APBA1: variants seen among roughly 807,000 people sequenced by gnomAD.
The protein encoded by APBA1 is amyloid beta precursor protein binding family A member 1.
Under a neutral mutation model 86.6 loss-of-function variants are expected in APBA1, and 55 were observed. The ratio of observed to expected loss-of-function variants is 0.64; its 90% confidence interval spans 0.51 to 0.80. The LOEUF (loss-of-function observed/expected upper bound fraction) is 0.80. Among genes scored for constraint, APBA1 ranks in the 30% least tolerant of loss-of-function variants. The pLI is 0.00. For synonymous variants in APBA1, 511 were observed against 493.9 expected (o/e 1.03, Z -0.46); for missense variants, 1,090 against 1,183.0 (o/e 0.92, Z 1.15).
intron 1 of APBA1, among the ~76,000 whole-genome samples, chr9:69,556,446 A>C (rs981028015): frequency 3.3e-5 from 5 of 152,166 alleles, no homozygotes; most frequent in African/African-American, 1.2e-4. Flanking sequence ...GTCGGAGTTT[A>C]CACAACTGCA....
Position 69,559,553 on chromosome 9 carries a change from A to T in APBA1, c.-69-42274T>A, listed in dbSNP as rs79765672. ...TGTTGTTATCACTTTTTTCTTTCCT[A>T]TCACTGTGTATTCCATGTCATTATC... On this transcript the variant is annotated intron_variant, in intron 1 of 12. Coordinates refer to ENST00000265381, the MANE Select transcript of APBA1 (RefSeq NM_001163.4). 3.5e-3 allele frequency among the ~76,000 whole-genome samples: 535 copies of T among 152,196 alleles called. 7 individuals carry two copies. Among genetic ancestry groups the T allele is most frequent in the Admixed American group, 0.023 (346 of 15,284 alleles).
intron 1 of APBA1, among the ~76,000 whole-genome samples, chr9:69,568,823 A>C (rs1386579550): frequency 6.6e-6 from 1 of 152,232 alleles, no homozygotes; most frequent in Non-Finnish European, 1.5e-5. Flanking sequence ...ATTGCAAAGA[A>C]TAAGAGAAAT....
intron 1 of APBA1, among the ~76,000 whole-genome samples, chr9:69,534,018 A>G (rs1836470780): frequency 6.6e-6 from 1 of 152,240 alleles, no homozygotes; most frequent in African/African-American, 2.4e-5. Flanking sequence ...GATCTACTAA[A>G]CAAAAGAAAA....
At chr9:69,649,457 C>G (rs1823454907) in intron 1 of APBA1, among the ~76,000 whole-genome samples, 1 of 152,132 alleles carries the variant, frequency 6.6e-6, no homozygotes, top group Non-Finnish European at 1.5e-5. Flanking sequence ...CCTAGAGTCA[C>G]TTTCCCACTG....
intron 11 of APBA1, among the ~76,000 whole-genome samples, chr9:69,440,016 C>G (rs956128517): frequency 1.3e-5 from 2 of 152,236 alleles, no homozygotes; most frequent in African/African-American, 4.8e-5. Flanking sequence ...GGACCCTCAG[C>G]TGCAGGTCTG....
At chr9:69,579,663 T>C (rs1301411067) in intron 1 of APBA1, among the ~76,000 whole-genome samples, 1 of 152,190 alleles carries the variant, frequency 6.6e-6, no homozygotes, top group Non-Finnish European at 1.5e-5. Context: ...CCAATGTTCT[T>C]AAGCATCTCA....
At chr9:69,673,004 G>C (rs1367686198), upstream of APBA1, 1 of 152,308 alleles carries the variant, frequency 6.6e-6, no homozygotes, top group East Asian at 1.9e-4. Context: ...GATTGACGGC[G>C]TCTCCGGAAT....
intron 1 of APBA1, among the ~76,000 whole-genome samples, chr9:69,619,341 A>T (rs1822767551): frequency 1.3e-5 from 2 of 152,250 alleles, no homozygotes; most frequent in South Asian, 4.1e-4. Flanking sequence ...AGGTCTTTGT[A>T]AATTAGGGAA....
chr9:69,460,767 T>A (rs1210252437), intron 5 of APBA1: 1 of 151,818 alleles, frequency 6.6e-6, no homozygotes, highest in Non-Finnish European at 1.5e-5. Context: ...TCTCGCTCTA[T>A]CACCCAGGCT....
chr9:69,456,453 CG>C lies in APBA1; in HGVS notation c.1603-22del, dbSNP rs1450151636. On this transcript the variant is annotated intron_variant, in intron 7 of 12. Coordinates refer to ENST00000265381, the MANE Select transcript of APBA1 (RefSeq NM_001163.4). ...GTCTCCTGGAGGCAGGAAGAGAGGG[CG>C]GGTAAGTCCAGCTCAGCATCTAATG... The C allele has an allele frequency of 1.9e-6, 3 of 1,562,702 alleles. No individual in the cohort carries two copies. The Admixed American group carries it at 5.5e-5, about 29-fold the overall frequency.
intron 2 of APBA1, among the ~76,000 whole-genome samples, chr9:69,504,764 T>C (rs60952146): frequency 0.044 from 6,628 of 152,050 alleles, 525 homozygotes; most frequent in African/African-American, 0.15. Context: ...CCAGGGCACC[T>C]TGTTTCCATT....
At chr9:69,637,417 G>T (rs1189549459) in intron 1 of APBA1, among the ~76,000 whole-genome samples, 1 of 152,100 alleles carries the variant, frequency 6.6e-6, no homozygotes, top group Non-Finnish European at 1.5e-5. Flanking sequence ...TGAGGTGATG[G>T]ATAGCCCATT....
At chr9:69,444,347 G>A (rs550929583) in intron 10 of APBA1, among the ~76,000 whole-genome samples, 4 of 152,308 alleles carry the variant, frequency 2.6e-5, no homozygotes, top group Admixed American at 6.5e-5. Context: ...AGATCCCATC[G>A]TCCCCATCGA....
At chr9:69,662,764 G>A (rs1211072093) in intron 1 of APBA1, among the ~76,000 whole-genome samples, 1 of 152,184 alleles carries the variant, frequency 6.6e-6, no homozygotes, top group Non-Finnish European at 1.5e-5. Flanking sequence ...GTGAAGGACA[G>A]GAAAGAATCG....
At chr9:69,584,744 C>G (rs1821985435) in intron 1 of APBA1, among the ~76,000 whole-genome samples, 1 of 152,118 alleles carries the variant, frequency 6.6e-6, no homozygotes. Flanking sequence ...TAAATACAAA[C>G]AAGCAAAGCT....
At chr9:69,475,233 C>T (rs1047068009) in intron 3 of APBA1, among the ~76,000 whole-genome samples, 10 of 152,158 alleles carry the variant, frequency 6.6e-5, no homozygotes, top group African/African-American at 1.4e-4. Context: ...ATAAGCAAGG[C>T]GACCACAGAA....
chr9:69,455,775 T>C (rs773029898), intron 8 of APBA1, among the ~76,000 whole-genome samples: 1 of 152,114 alleles, frequency 6.6e-6, no homozygotes, highest in East Asian at 1.9e-4. Context: ...TTCTTCCTAC[T>C]CTTCACCTCA....
chr9:69,456,695 A>T (rs1588295120), intron 7 of APBA1, among the ~76,000 whole-genome samples: 3 of 145,562 alleles, frequency 2.1e-5, no homozygotes, highest in African/African-American at 2.5e-5. Flanking sequence ...GGAGAAGTTT[A>T]AAAAAAAAAA....
At chr9:69,466,035 G>A (rs1325101783) in intron 5 of APBA1, among the ~76,000 whole-genome samples, 6 of 152,304 alleles carry the variant, frequency 3.9e-5, no homozygotes, top group Middle Eastern at 6.8e-3. Flanking sequence ...ACTCCTCCCT[G>A]GTTTATAAAA....
Sources: allele counts gnomAD v4.1 joint callset (sites outside exome capture counted in the v4.1 genomes callset), GRCh38; gene constraint gnomAD v4.1.1; transcripts MANE v1.5; gene names NCBI Gene and HGNC (gene_info 2026-07-23, HGNC 2026-07-21).